Variants in ZBTB38 observed in about 807,000 individuals in gnomAD.
ZBTB38 encodes the protein zinc finger and BTB domain-containing protein 38.
A neutral mutation model predicts 76.8 loss-of-function variants in ZBTB38; 20 were observed. The observed-to-expected ratio is 0.26, with a 90% CI of 0.18 to 0.38. The LOEUF (loss-of-function observed/expected upper bound fraction) is 0.38, where lower values mean the gene tolerates loss of function less well. Ranked by LOEUF, ZBTB38 falls within the 10% of genes least tolerant of loss-of-function variation. The pLI is 1.00. For synonymous variants in ZBTB38, 504 were observed against 544.2 expected (o/e 0.93, Z 1.03); for missense variants, 1,082 against 1,482.3 (o/e 0.73, Z 4.43).
At chr3:141,433,144 T>C (rs1021194800) in intron 5 of ZBTB38, among the ~76,000 whole-genome samples, 1 of 152,222 alleles carries the variant, frequency 6.6e-6, no homozygotes, top group South Asian at 2.1e-4. Context: ...TCTGTATTCC[T>C]TGGCCTCCAT....
intron 4 of ZBTB38, chr3:141,389,508 ATGAC>A (rs1948197599): frequency 6.7e-6 from 1 of 149,506 alleles, no homozygotes; most frequent in South Asian, 2.1e-4. Context: ...GTGACTTTAA[ATGAC>A]TAAGTACATT....
chr3:141,421,125 C>G (rs2075261623), intron 5 of ZBTB38, among the ~76,000 whole-genome samples: 2 of 152,010 alleles, frequency 1.3e-5, no homozygotes, highest in Non-Finnish European at 2.9e-5. Context: ...TCCCAGAACT[C>G]CATGATATGT....
chr3:141,423,820 T>G lies in ZBTB38; in HGVS notation c.1-18569T>G, dbSNP rs558691914. 3.3e-5 allele frequency among the ~76,000 whole-genome samples: 5 copies of G among 152,300 alleles called. No homozygotes were observed. The East Asian group carries it at 9.6e-4, about 29-fold the overall frequency. On this transcript the variant is annotated intron_variant, in intron 5 of 5. Coordinates refer to ENST00000321464, the MANE Select transcript of ZBTB38 (RefSeq NM_001376113.1). ...TAAACTGAGACTTAAATGAAAAAGATTCTAAAATCAAAAACCCAAAACACC... is the reference window on the plus strand; with the variant it reads ...TAAACTGAGACTTAAATGAAAAAGAGTCTAAAATCAAAAACCCAAAACACC...
intron 5 of ZBTB38, among the ~76,000 whole-genome samples, chr3:141,428,339 A>G (rs747383624): frequency 2.0e-5 from 3 of 152,174 alleles, no homozygotes; most frequent in Non-Finnish European, 2.9e-5. Context: ...CTCTGACTTA[A>G]TTACTGCTGT....
chr3:141,368,975 C>T lies in ZBTB38; in HGVS notation c.-310+171C>T, dbSNP rs183136122. ...CCCAAAGGGATCTGATATCTCTCTC[C>T]ACAGGATCAGAAAAGAATGCAAAAA... On this transcript the variant is annotated intron_variant, in intron 1 of 5. Transcript: ENST00000321464. Among the ~76,000 whole-genome samples, 11 of 137,596 alleles carry T rather than the reference C, an allele frequency of 8.0e-5. No individual in the cohort carries two copies. The East Asian group carries it at 2.0e-3, about 26-fold the overall frequency. The allele number at this position is 137,596 out of a possible 152,430, so 90.3% of individuals were successfully genotyped here. A position where few individuals can be genotyped will look rare whatever the true frequency, so the allele number is the denominator to read the frequency against.
At chr3:141,430,113 T>C (rs1406390499) in intron 5 of ZBTB38, among the ~76,000 whole-genome samples, 1 of 152,226 alleles carries the variant, frequency 6.6e-6, no homozygotes, top group East Asian at 1.9e-4. Flanking sequence ...TCACCCAGGC[T>C]GGAGTGCAAT....
At chr3:141,351,455 GGAGA>G (rs1943510114) in intron 1 of ZBTB38, among the ~76,000 whole-genome samples, 1 of 151,920 alleles carries the variant, frequency 6.6e-6, no homozygotes, top group South Asian at 2.1e-4. Flanking sequence ...CAGGCATGGT[GGAGA>G]GAAAGTTCCC....
At chr3:141,365,284 G>A (rs1042320381), upstream of ZBTB38, among the ~76,000 whole-genome samples, 1 of 152,174 alleles carries the variant, frequency 6.6e-6, no homozygotes, top group Non-Finnish European at 1.5e-5. Flanking sequence ...TTGAACCTGG[G>A]TAATTTATAA....
chr3:141,341,918 T>C (rs1446162398), intron 1 of ZBTB38, among the ~76,000 whole-genome samples: 2 of 147,578 alleles, frequency 1.4e-5, no homozygotes, highest in Non-Finnish European at 2.9e-5. Context: ...TATGGGTGTG[T>C]AGGAAGATGT....
Position 141,445,255 on chromosome 3 carries a change from C to G in ZBTB38, c.2867C>G (p.Ala956Gly). 1.2e-6 allele frequency: 2 copies of G among 1,614,170 alleles called. No individual in the cohort carries two copies. The highest frequency in any genetic ancestry group is 1.7e-6 in the Non-Finnish European group (2 of 1,180,028). ...RSPSHKCKYP[A>G]ELDCAVGKAP... The stretch of plus-strand genomic sequence containing the variant: ...CCGAGCCATAAATGTAAATACCCAG[C>G]AGAACTGGATTGCGCCGTGGGGAAG... The change falls in exon 6 of 6, where the codon GCA (alanine) becomes GGA (glycine). Residue 956 changes from alanine to glycine, a missense_variant. This residue lies in a region of ZBTB38 where 471 missense variants were observed against 581.0 expected (regional missense o/e 0.81). Transcript: ENST00000321464. The surrounding 1 kb of genome is among the most constrained non-coding windows in gnomAD (Gnocchi z 6.5).
intron 1 of ZBTB38, among the ~76,000 whole-genome samples, chr3:141,326,779 A>C (rs1331965745): frequency 6.6e-6 from 1 of 152,192 alleles, no homozygotes; most frequent in Non-Finnish European, 1.5e-5. Context: ...GATCCTCTGC[A>C]TCATTATTCT....
At chr3:141,358,392 G>A (rs1407679435) in intron 1 of ZBTB38, among the ~76,000 whole-genome samples, 6 of 152,200 alleles carry the variant, frequency 3.9e-5, no homozygotes, top group African/African-American at 1.4e-4. Flanking sequence ...CTGTCCAATT[G>A]TCTGCCATAT....
At position 141,411,365 on chromosome 3, in the gene ZBTB38, C is replaced by T. The variant is rs564449016; in HGVS notation, c.-1+7334C>T. Among the ~76,000 whole-genome samples, 3 of 152,316 alleles carry T rather than the reference C, an allele frequency of 2.0e-5. No individual in the cohort carries two copies. The East Asian group carries it at 5.8e-4, about 29-fold the overall frequency. On this transcript the variant is annotated intron_variant, in intron 5 of 5. Coordinates refer to ENST00000321464, the MANE Select transcript of ZBTB38 (RefSeq NM_001376113.1). ...CCTGCTTAAACCTATTTAGTCTGGTCTTATAGTCCCTGACTTGAGCCCAAA... is the reference window on the plus strand; with the variant it reads ...CCTGCTTAAACCTATTTAGTCTGGTTTTATAGTCCCTGACTTGAGCCCAAA...
At chr3:141,357,242 T>C (rs9866391) in intron 1 of ZBTB38, among the ~76,000 whole-genome samples, 61,013 of 151,994 alleles carry the variant, frequency 0.4, 12,683 homozygotes, top group African/African-American at 0.49. Context: ...TTTTTTTTCT[T>C]TGCCCTCTTT....
rs767394081 is a variant in ZBTB38, at chr3:141,445,288, A to G, written c.2900A>G (p.Gln967Arg). The G allele has an allele frequency of 4.3e-6, 7 of 1,614,224 alleles. No individual in the cohort carries two copies. Among genetic ancestry groups the G allele is most frequent in the Non-Finnish European group, 5.9e-6 (7 of 1,180,042 alleles). ...ELDCAVGKAP[Q>R]DKPFEEEETK... The stretch of plus-strand genomic sequence containing the variant: ...GATTGCGCCGTGGGGAAGGCTCCTC[A>G]GGATAAACCCTTTGAGGAAGAAGAA... Residue 967 changes from glutamine (Q) to arginine (R), a missense_variant, in exon 6 of 6, where the codon CAG becomes CGG. Physicochemically the swap from Gln to Arg is conservative, Grantham distance 43. Around this residue, in one of 8 missense-constraint regions of ZBTB38, gnomAD observed 471 missense variants for 581.0 expected, o/e 0.81. Transcript: ENST00000321464. The surrounding 1 kb of genome is among the most constrained non-coding windows in gnomAD (Gnocchi z 6.5).
Position 141,443,459 on chromosome 3 carries a change from C to G in ZBTB38, c.1071C>G (p.Leu357=). 3 of 1,614,210 alleles carry G rather than the reference C, an allele frequency of 1.9e-6. No individual in the cohort carries two copies. Among genetic ancestry groups the G allele is most frequent in the Non-Finnish European group, 2.5e-6 (3 of 1,180,040 alleles). The part of the protein sequence containing the change: ...CSKAFDSSTL[L]SAHMQLHKPT... ...AAGCCTTTGACAGCAGCACTCTGCT[C>G]AGTGCCCACATGCAGCTTCACAAGC... Residue 357 remains leucine (L), a synonymous_variant, in exon 6 of 6, where the codon CTC becomes CTG. Transcript: ENST00000321464. This position sits in a 1 kb window ranked among gnomAD's most constrained non-coding sequence, Gnocchi z 5.6.
At position 141,444,086 on chromosome 3, in the gene ZBTB38, T is replaced by C. The variant is rs374958214; in HGVS notation, c.1698T>C (p.Tyr566=). The C allele has an allele frequency of 5.0e-6, 8 of 1,614,152 alleles. No individual in the cohort carries two copies. Among genetic ancestry groups the C allele is most frequent in the Non-Finnish European group, 6.8e-6 (8 of 1,180,028 alleles). Residue 566 remains tyrosine (Y), a synonymous_variant, in exon 6 of 6, where the codon TAT becomes TAC. Coordinates refer to ENST00000321464, the MANE Select transcript of ZBTB38 (RefSeq NM_001376113.1). This position sits in a 1 kb window ranked among gnomAD's most constrained non-coding sequence, Gnocchi z 5.1. ...CTAGTGTCTATCCGTATAAACTTTA[T>C]AGGCTACTGCCTATGAAATGCAAGA... ...LKPSVYPYKL[Y]RLLPMKCKRA...
intron 5 of ZBTB38, among the ~76,000 whole-genome samples, chr3:141,419,608 C>T (rs970107479): frequency 6.6e-6 from 1 of 152,132 alleles, no homozygotes. Context: ...TTTTTCTGAG[C>T]CTTGGTGTCC....
chr3:141,375,056 T>C (rs1051855832), intron 2 of ZBTB38, among the ~76,000 whole-genome samples: 1 of 152,214 alleles, frequency 6.6e-6, no homozygotes, highest in Non-Finnish European at 1.5e-5. Flanking sequence ...TGCATTCAGT[T>C]CAACAAATAT....
Sources: gnomAD v4.1 joint callset for allele counts (sites outside exome capture counted in the v4.1 genomes callset) on GRCh38, gnomAD v4.1.1 for gene constraint, gnomAD v4.1.1 regional missense constraint, Gnocchi (gnomAD v3.1) non-coding constraint, MANE v1.5 for transcripts, NCBI Gene and HGNC (gene_info 2026-07-23, HGNC 2026-07-21) for gene names.